Variants in COBL observed in about 807,000 individuals in gnomAD.
COBL encodes the protein cordon-bleu WH2 repeat protein, also known as protein cordon-bleu.
COBL carries 51 observed loss-of-function variants against 98.8 expected under a neutral mutation model. The ratio of observed to expected loss-of-function variants is 0.52; its 90% CI spans 0.41 to 0.65. The LOEUF (loss-of-function observed/expected upper bound fraction) is 0.65, where lower values mean the gene tolerates loss of function less well. Ranked by LOEUF, COBL falls within the 30% of genes least tolerant of loss-of-function variation. COBL has a pLI of 0.00. For synonymous variants in COBL, 634 were observed against 651.7 expected, an observed-to-expected ratio of 0.97 and a Z score of 0.41; for missense variants, 1,617 against 1,617.5, an observed-to-expected ratio of 1.00 and a Z score of 0.01.
chr7:51,202,361 A>T (rs183922036), intron 2 of COBL, among the ~76,000 whole-genome samples: 1 of 152,352 alleles, frequency 6.6e-6, no homozygotes, highest in Admixed American at 6.5e-5. Context: ...TATGATAACT[A>T]TTATAACAAT....
rs143769714 is a variant in COBL, at chr7:51,038,914, T to A, written c.1406+4469A>T. On this transcript the variant is annotated intron_variant, in intron 8 of 12. Coordinates refer to ENST00000265136, the MANE Select transcript of COBL (RefSeq NM_015198.5). ...GCTCATGTCACAGCTAGGTCCTACA[T>A]CTTTGTCGTTTGCCATGTAAGACAA... Among the ~76,000 whole-genome samples, 722 of 152,278 alleles carry A rather than the reference T, an allele frequency of 4.7e-3. 2 individuals carry two copies. Among genetic ancestry groups the A allele is most frequent in the African/African-American group, 0.017 (691 of 41,568 alleles).
intron 1 of COBL, among the ~76,000 whole-genome samples, chr7:51,253,314 C>A (rs1030300557): frequency 6.6e-6 from 1 of 152,200 alleles, no homozygotes; most frequent in African/African-American, 2.4e-5. Flanking sequence ...ACTCCTGAAT[C>A]TTTTAATATA....
intron 7 of COBL, among the ~76,000 whole-genome samples, chr7:51,060,389 C>T (rs1791209274): frequency 6.6e-6 from 1 of 152,166 alleles, no homozygotes; most frequent in African/African-American, 2.4e-5. Flanking sequence ...TCAAGGAACT[C>T]GCTTCCCAGC....
intron 7 of COBL, chr7:51,065,401 T>C (rs1373129029): frequency 2.8e-6 from 2 of 703,380 alleles, no homozygotes; most frequent in Admixed American, 4.0e-5. Context: ...GGCTGTGGTA[T>C]TCAGAAGCAA....
intron 12 of COBL, among the ~76,000 whole-genome samples, chr7:51,020,663 TG>T (rs199881024): frequency 0.02 from 3,067 of 152,056 alleles, 49 homozygotes; most frequent in Admixed American, 0.057. Flanking sequence ...GAGTGTGGGG[TG>T]GGGGCAGATC....
At chr7:51,281,819 A>G (rs1563123052) in intron 1 of COBL, among the ~76,000 whole-genome samples, 1 of 152,174 alleles carries the variant, frequency 6.6e-6, no homozygotes, top group Non-Finnish European at 1.5e-5. Context: ...ATAGTATGGA[A>G]AGAAAACTTG....
intron 1 of COBL, 99 bp downstream of exon 1, chr7:51,316,494 G>T: frequency 1.1e-6 from 1 of 897,578 alleles, no homozygotes; most frequent in African/African-American, 1.8e-5. Flanking sequence ...CGCTGGGGCG[G>T]CAGAGAGGGC....
intron 7 of COBL, among the ~76,000 whole-genome samples, chr7:51,054,135 C>T (rs1371685616): frequency 2.0e-5 from 3 of 152,158 alleles, no homozygotes; most frequent in Non-Finnish European, 2.9e-5. Context: ...GAGCTGGGAT[C>T]GTGCTGCAAC....
intron 7 of COBL, among the ~76,000 whole-genome samples, chr7:51,051,192 T>C (rs1364094211): frequency 1.3e-5 from 2 of 152,224 alleles, no homozygotes; most frequent in East Asian, 3.9e-4. Context: ...TTTAAGACTG[T>C]CTTCTCCGCT....
chr7:51,109,808 C>G (rs1205568118), intron 6 of COBL, among the ~76,000 whole-genome samples: 1 of 152,174 alleles, frequency 6.6e-6, no homozygotes, highest in Non-Finnish European at 1.5e-5. Context: ...ACCACTGCAT[C>G]ATGTTAGTAG....
chr7:51,265,598 C>A (rs1563104845), intron 1 of COBL, among the ~76,000 whole-genome samples: 1 of 152,334 alleles, frequency 6.6e-6, no homozygotes, highest in East Asian at 1.9e-4. Flanking sequence ...CCAGGGCCAC[C>A]CACAGAACCC....
At chr7:51,304,337 A>T (rs1439616383) in intron 1 of COBL, among the ~76,000 whole-genome samples, 1 of 152,222 alleles carries the variant, frequency 6.6e-6, no homozygotes, top group Non-Finnish European at 1.5e-5. Flanking sequence ...TTCTCCCCAC[A>T]GTCCCCAACC....
At chr7:51,315,785 T>C (rs954430876) in intron 1 of COBL, among the ~76,000 whole-genome samples, 1 of 151,964 alleles carries the variant, frequency 6.6e-6, no homozygotes, top group Non-Finnish European at 1.5e-5. Context: ...TGAGGGAAAT[T>C]ACTCTTTCTG....
At chr7:51,208,158 C>T (rs1488145469) in intron 2 of COBL, among the ~76,000 whole-genome samples, 29 of 150,276 alleles carry the variant, frequency 1.9e-4, no homozygotes, top group African/African-American at 7.1e-4. Flanking sequence ...TCTGCCTGGC[C>T]GCCCCGTCTG....
chr7:51,097,002 G>T (rs1332157842), intron 6 of COBL, among the ~76,000 whole-genome samples: 1 of 152,070 alleles, frequency 6.6e-6, no homozygotes, highest in Non-Finnish European at 1.5e-5. Flanking sequence ...GATGCCAGCA[G>T]GACCCTGACA....
Position 51,179,762 on chromosome 7 carries a change from C to T in COBL, c.783+4340G>A, listed in dbSNP as rs567803457. ...TAATTTTGGAGATCATGCCGTTGAA[C>T]AACGCAAAAAGAAAAAATCCAGTAA... is the stretch of plus-strand genomic sequence containing the variant. On this transcript the variant is annotated intron_variant, in intron 5 of 12. Coordinates refer to ENST00000265136, the MANE Select transcript of COBL (RefSeq NM_015198.5). Among the ~76,000 whole-genome samples the T allele has an allele frequency of 2.6e-5, 4 of 152,184 alleles. No homozygotes were observed. In the East Asian group the frequency reaches 7.7e-4, roughly 29 times the overall value.
intron 1 of COBL, among the ~76,000 whole-genome samples, chr7:51,298,430 T>C (rs1405106075): frequency 6.6e-6 from 1 of 152,234 alleles, no homozygotes; most frequent in Non-Finnish European, 1.5e-5. Context: ...GGGCTAATTG[T>C]GCAGCTTGCT....
At chr7:51,307,348 C>CAAAACAAAAACAAAAACA (rs376773501) in intron 1 of COBL, among the ~76,000 whole-genome samples, 1,721 of 148,418 alleles carry the variant, frequency 0.012, 18 homozygotes, top group Non-Finnish European at 0.015. Flanking sequence ...GACTCCATCT[C>CAAAACAAAAACAAAAACA]AAAACAAAAA....
intron 6 of COBL, among the ~76,000 whole-genome samples, chr7:51,106,524 C>T (rs568780630): frequency 1.6e-4 from 25 of 152,178 alleles, no homozygotes; most frequent in Non-Finnish European, 3.5e-4. Context: ...ACAAACCACA[C>T]ATCATAGGCC....
Sources: gnomAD v4.1 joint callset for allele counts (sites outside exome capture counted in the v4.1 genomes callset) on GRCh38, gnomAD v4.1.1 for gene constraint, MANE v1.5 for transcripts, NCBI Gene and HGNC (gene_info 2026-07-23, HGNC 2026-07-21) for gene names.